The following CERS3 variants were observed in gnomAD, a reference collection of about 807,000 sequenced individuals.
The protein encoded by CERS3 is ceramide synthase 3.
A neutral mutation model predicts 50.3 loss-of-function variants in CERS3; 33 were observed. That is an observed-to-expected ratio of 0.66 (90% confidence interval 0.50 to 0.88). CERS3 has a LOEUF of 0.88. Among genes scored for constraint, CERS3 ranks in the 40% least tolerant of loss-of-function variants. The pLI is 0.00. For synonymous variants in CERS3, 176 were observed against 155.2 expected (o/e 1.13, Z -0.99); for missense variants, 470 against 460.3 (o/e 1.02, Z -0.19).
chr15:100,415,401 T>G (rs940429184), intron 11 of CERS3, among the ~76,000 whole-genome samples: 1 of 152,192 alleles, frequency 6.6e-6, no homozygotes, highest in African/African-American at 2.4e-5. Flanking sequence ...CTCAAAGAAC[T>G]AGAACCAGAA....
At chr15:100,507,200 A>G (rs1401855895) in intron 2 of CERS3, among the ~76,000 whole-genome samples, 1 of 152,204 alleles carries the variant, frequency 6.6e-6, no homozygotes, top group Non-Finnish European at 1.5e-5. Flanking sequence ...TTATGACTTT[A>G]TGGAAGAAAA....
chr15:100,497,933 C>T (rs559731252), intron 3 of CERS3, among the ~76,000 whole-genome samples: 2 of 145,208 alleles, frequency 1.4e-5, no homozygotes, highest in South Asian at 2.2e-4. Context: ...CTCACTCTGT[C>T]GCCAGGCTGG....
At chr15:100,437,647 G>A (rs1343891600) in intron 11 of CERS3, 1 of 152,218 alleles carries the variant, frequency 6.6e-6, no homozygotes, top group Non-Finnish European at 1.5e-5. Flanking sequence ...ACCTGCTAAA[G>A]TAGTAATATT....
chr15:100,457,236 TC>T (rs1456675875), intron 10 of CERS3, among the ~76,000 whole-genome samples: 1 of 152,226 alleles, frequency 6.6e-6, no homozygotes, highest in East Asian at 1.9e-4. Flanking sequence ...GGTATATTGT[TC>T]AATGAATTTA....
intron 2 of CERS3, among the ~76,000 whole-genome samples, chr15:100,516,546 T>C (rs2036494941): frequency 1.3e-5 from 2 of 152,206 alleles, no homozygotes; most frequent in African/African-American, 4.8e-5. Context: ...CTCATCTTAT[T>C]ATCGTCACCT....
At chr15:100,421,166 T>C (rs933681825) in intron 11 of CERS3, among the ~76,000 whole-genome samples, 1 of 151,776 alleles carries the variant, frequency 6.6e-6, no homozygotes, top group Non-Finnish European at 1.5e-5. Context: ...GACAACATGA[T>C]TGTATATCTA....
intron 1 of CERS3, among the ~76,000 whole-genome samples, chr15:100,539,229 C>G (rs2037144144): frequency 6.6e-6 from 1 of 152,206 alleles, no homozygotes; most frequent in South Asian, 2.1e-4. Flanking sequence ...ATGTTCCAAA[C>G]TTTCTCACAT....
In CERS3 at chr15:100,488,831, T is replaced by C. The variant is rs578250362; in HGVS notation, c.288+1986A>G. On this transcript the variant is annotated intron_variant, in intron 4 of 11. Coordinates refer to ENST00000679737, the MANE Select transcript of CERS3 (RefSeq NM_001378789.1). ...CTCACTCTGTCACCAGGCTGGACTGTGGTGGCGCAATCTTGGCTCACTGCA... is the reference window on the plus strand; with the variant it reads ...CTCACTCTGTCACCAGGCTGGACTGCGGTGGCGCAATCTTGGCTCACTGCA... 1.5e-4 allele frequency among the ~76,000 whole-genome samples: 23 copies of C among 151,678 alleles called. No homozygotes were observed. The South Asian group carries it at 4.6e-3, about 30-fold the overall frequency.
At position 100,420,549 on chromosome 15, in the gene CERS3, A is replaced by C. The variant is rs906389977; in HGVS notation, c.1000-17684T>G. On this transcript the variant is annotated intron_variant, in intron 11 of 11. Coordinates refer to ENST00000679737, the MANE Select transcript of CERS3 (RefSeq NM_001378789.1). The stretch of plus-strand genomic sequence containing the variant: ...TCCTTCTGAAACTATTCCAATCAAT[A>C]GAAAAAGAGGGAATCCTCCCTAACT... Among the ~76,000 whole-genome samples the C allele has an allele frequency of 3.5e-4, 53 of 152,212 alleles. 1 individual carries two copies. Among genetic ancestry groups the C allele is most frequent in the Admixed American group, 2.7e-3 (41 of 15,298 alleles).
At chr15:100,426,198 A>G (rs573243167) in intron 11 of CERS3, 1 of 152,358 alleles carries the variant, frequency 6.6e-6, no homozygotes, top group East Asian at 1.9e-4. Flanking sequence ...TAAATGTTGC[A>G]TAATAAAAAA....
At chr15:100,425,632 C>T (rs1458353973) in intron 11 of CERS3, among the ~76,000 whole-genome samples, 4 of 152,136 alleles carry the variant, frequency 2.6e-5, no homozygotes, top group Non-Finnish European at 5.9e-5. Flanking sequence ...GGCTCATAGG[C>T]AGAAGAGACT....
chr15:100,430,477 A>T (rs1355408971), intron 11 of CERS3, among the ~76,000 whole-genome samples: 1 of 152,198 alleles, frequency 6.6e-6, no homozygotes, highest in African/African-American at 2.4e-5. Flanking sequence ...CATCTGTACT[A>T]CAGCTTCCAT....
intron 10 of CERS3, among the ~76,000 whole-genome samples, chr15:100,467,850 T>TATATATATAGATAG (rs145899470): frequency 7.5e-5 from 7 of 93,138 alleles, no homozygotes; most frequent in African/African-American, 1.5e-4. Context: ...TATATATATA[T>TATATATATAGATAG]ATAGATAGAT....
intron 5 of CERS3, among the ~76,000 whole-genome samples, chr15:100,483,843 G>C (rs1415908040): frequency 7.1e-6 from 1 of 140,598 alleles, no homozygotes; most frequent in African/African-American, 2.7e-5. Context: ...TGCAGTGGCG[G>C]GATCTCGGCT....
At chr15:100,433,071 C>T (rs1452991601) in intron 11 of CERS3, among the ~76,000 whole-genome samples, 8 of 152,004 alleles carry the variant, frequency 5.3e-5, no homozygotes, top group Admixed American at 5.2e-4. Flanking sequence ...CCCATCTCTA[C>T]TAAAAATACA....
intron 7 of CERS3, among the ~76,000 whole-genome samples, chr15:100,478,044 G>A (rs937024649): frequency 6.6e-6 from 1 of 152,128 alleles, no homozygotes; most frequent in African/African-American, 2.4e-5. Context: ...AAGCTATGAA[G>A]CATAAGGAGA....
At chr15:100,488,141 G>A (rs1221303270) in intron 4 of CERS3, among the ~76,000 whole-genome samples, 2 of 152,150 alleles carry the variant, frequency 1.3e-5, no homozygotes, top group Non-Finnish European at 2.9e-5. Context: ...CAATATCACA[G>A]ACCAAAACTC....
intron 11 of CERS3, among the ~76,000 whole-genome samples, chr15:100,424,632 G>A (rs921627314): frequency 2.6e-5 from 4 of 152,224 alleles, no homozygotes; most frequent in African/African-American, 7.2e-5. Flanking sequence ...ATGATTTAGG[G>A]TATCTGGTAG....
At chr15:100,411,325 C>T (rs1304649364) in intron 11 of CERS3, among the ~76,000 whole-genome samples, 1 of 152,060 alleles carries the variant, frequency 6.6e-6, no homozygotes, top group Non-Finnish European at 1.5e-5. Flanking sequence ...CCATGCCCGG[C>T]TAATTTTTGT....
Sources: gnomAD v4.1 joint callset for allele counts (sites outside exome capture counted in the v4.1 genomes callset) on GRCh38, gnomAD v4.1.1 for gene constraint, MANE v1.5 for transcripts, NCBI Gene and HGNC (gene_info 2026-07-23, HGNC 2026-07-21) for gene names.